The following PITPNC1 variants were observed in gnomAD, a reference collection of about 807,000 sequenced individuals.
PITPNC1 encodes phosphatidylinositol transfer protein cytoplasmic 1, also known as cytoplasmic phosphatidylinositol transfer protein 1.
In PITPNC1, 18 loss-of-function variants were observed where a neutral mutation model predicts 44.7. That is an observed-to-expected ratio of 0.40 (90% CI 0.28 to 0.60). The LOEUF (loss-of-function observed/expected upper bound fraction) is 0.60, where lower values mean the gene tolerates loss of function less well. Ranked by LOEUF, PITPNC1 falls within the 20% of genes least tolerant of loss-of-function variation. The pLI is 0.39. For synonymous variants in PITPNC1, 141 were observed against 149.6 expected, an observed-to-expected ratio of 0.94 and a Z score of 0.42; for missense variants, 290 against 418.4, an observed-to-expected ratio of 0.69 and a Z score of 2.68.
At chr17:67,475,789 A>G (rs1165464918) in intron 1 of PITPNC1, among the ~76,000 whole-genome samples, 2 of 152,174 alleles carry the variant, frequency 1.3e-5, no homozygotes, top group Non-Finnish European at 2.9e-5. Flanking sequence ...CAGTGCCAGG[A>G]ATCCATAGTT....
chr17:67,505,972 G>C (rs1374339871), intron 1 of PITPNC1, among the ~76,000 whole-genome samples: 1 of 152,158 alleles, frequency 6.6e-6, no homozygotes, highest in African/African-American at 2.4e-5. Flanking sequence ...ATCAAGCCTT[G>C]TGAGACGTGC....
intron 1 of PITPNC1, among the ~76,000 whole-genome samples, chr17:67,398,079 C>T (rs1285721756): frequency 7.2e-6 from 1 of 139,702 alleles, no homozygotes; most frequent in Non-Finnish European, 1.5e-5. Context: ...GGCGACAGAG[C>T]GAGACTCCGT....
At chr17:67,677,311 C>A (rs558543231) in intron 8 of PITPNC1, among the ~76,000 whole-genome samples, 2 of 152,318 alleles carry the variant, frequency 1.3e-5, no homozygotes, top group Admixed American at 1.3e-4. Context: ...GGCCAAAAAT[C>A]TGCCACTTTG....
chr17:67,661,984 G>A (rs1194269181), intron 6 of PITPNC1, among the ~76,000 whole-genome samples: 1 of 135,658 alleles, frequency 7.4e-6, no homozygotes, highest in African/African-American at 3.2e-5. Context: ...AACAAAGTGC[G>A]ACTCCATCTC....
chr17:67,552,938 G>A (rs2570045), intron 3 of PITPNC1, among the ~76,000 whole-genome samples: 129,037 of 152,118 alleles, frequency 0.85, 54,909 homozygotes, highest in African/African-American at 0.93. Context: ...TAATTTGTCT[G>A]TAAACAAGTT....
intron 6 of PITPNC1, among the ~76,000 whole-genome samples, chr17:67,660,295 G>A (rs542807700): frequency 6.6e-6 from 1 of 152,248 alleles, no homozygotes; most frequent in African/African-American, 2.4e-5. Context: ...GAGCAGGCAG[G>A]AACTAGTCCC....
chr17:67,514,057 T>C lies in PITPNC1; in HGVS notation c.49-18745T>C, dbSNP rs941496625. 4.6e-5 allele frequency among the ~76,000 whole-genome samples: 7 copies of C among 151,068 alleles called. No individual in the cohort carries two copies. The South Asian group carries it at 1.5e-3, about 32-fold the overall frequency. ...GTGGGAGTATCTGTGTAGGTCGAGATAGAAGAGGGTAGAAGATACGGAGCT... is the reference window on the plus strand; with the variant it reads ...GTGGGAGTATCTGTGTAGGTCGAGACAGAAGAGGGTAGAAGATACGGAGCT... On this transcript the variant is annotated intron_variant, in intron 1 of 8. Transcript: ENST00000581322.
At chr17:67,605,187 G>C (rs1267015152) in intron 5 of PITPNC1, among the ~76,000 whole-genome samples, 1 of 152,168 alleles carries the variant, frequency 6.6e-6, no homozygotes, top group African/African-American at 2.4e-5. Flanking sequence ...TCTATTCCTA[G>C]AGCCCTATGT....
At chr17:67,482,421 AC>A (rs758320856) in intron 1 of PITPNC1, among the ~76,000 whole-genome samples, 2 of 152,110 alleles carry the variant, frequency 1.3e-5, no homozygotes, top group Non-Finnish European at 2.9e-5. Context: ...ATAACACATT[AC>A]CTCCTTCACA....
chr17:67,481,686 G>T (rs549682826), intron 1 of PITPNC1, among the ~76,000 whole-genome samples: 5 of 151,886 alleles, frequency 3.3e-5, no homozygotes, highest in Non-Finnish European at 7.4e-5. Flanking sequence ...ATTTAAAAAG[G>T]AAGTTGAGTT....
chr17:67,658,971 A>T (rs1024128556), intron 6 of PITPNC1, among the ~76,000 whole-genome samples: 1 of 152,154 alleles, frequency 6.6e-6, no homozygotes, highest in African/African-American at 2.4e-5. Flanking sequence ...CAAAAGACAG[A>T]TGGGGAAAGA....
chr17:67,431,284 C>T (rs146599692), intron 1 of PITPNC1, among the ~76,000 whole-genome samples: 1 of 152,024 alleles, frequency 6.6e-6, no homozygotes, highest in Non-Finnish European at 1.5e-5. Context: ...GTCTCAAACT[C>T]CTGACCTTAA....
At chr17:67,401,716 C>T (rs980950501) in intron 1 of PITPNC1, among the ~76,000 whole-genome samples, 5 of 151,748 alleles carry the variant, frequency 3.3e-5, no homozygotes, top group Non-Finnish European at 7.4e-5. Context: ...TGGTGGTGGG[C>T]GCCTGTAATC....
chr17:67,448,191 C>T (rs1472306199), intron 1 of PITPNC1, among the ~76,000 whole-genome samples: 1 of 152,170 alleles, frequency 6.6e-6, no homozygotes, highest in East Asian at 1.9e-4. Flanking sequence ...AGGTGATCCG[C>T]CCGCCTTGGC....
chr17:67,564,756 G>T (rs1334061927), intron 4 of PITPNC1, among the ~76,000 whole-genome samples: 1 of 152,112 alleles, frequency 6.6e-6, no homozygotes, highest in Non-Finnish European at 1.5e-5. Flanking sequence ...TAGTTACTCT[G>T]GGATGCCATT....
intron 1 of PITPNC1, among the ~76,000 whole-genome samples, chr17:67,504,319 A>C (rs1178884191): frequency 6.6e-6 from 1 of 152,224 alleles, no homozygotes; most frequent in Non-Finnish European, 1.5e-5. Context: ...ATACAACAAC[A>C]CTGTGTAAAC....
At chr17:67,550,404 C>G (rs2040743835) in intron 2 of PITPNC1, among the ~76,000 whole-genome samples, 1 of 145,410 alleles carries the variant, frequency 6.9e-6, no homozygotes, top group Non-Finnish European at 1.6e-5. Flanking sequence ...TTTCAAAAGC[C>G]AGGCCTGGTT....
At chr17:67,424,664 C>A (rs1252506810) in intron 1 of PITPNC1, among the ~76,000 whole-genome samples, 1 of 151,754 alleles carries the variant, frequency 6.6e-6, no homozygotes, top group Non-Finnish European at 1.5e-5. Flanking sequence ...CTCACAAAAA[C>A]AAACAAACAA....
intron 1 of PITPNC1, among the ~76,000 whole-genome samples, chr17:67,509,548 A>G (rs2040152508): frequency 6.8e-6 from 1 of 148,032 alleles, no homozygotes; most frequent in African/African-American, 2.5e-5. Flanking sequence ...AAATTAAATT[A>G]AATTGAATTA....
Sources: gnomAD v4.1 joint callset for allele counts (sites outside exome capture counted in the v4.1 genomes callset) on GRCh38, gnomAD v4.1.1 for gene constraint, MANE v1.5 for transcripts, NCBI Gene and HGNC (gene_info 2026-07-23, HGNC 2026-07-21) for gene names.